Variants in MIPOL1 observed in about 807,000 individuals in gnomAD.
MIPOL1 encodes mirror-image polydactyly gene 1 protein.
MIPOL1 carries 57 observed loss-of-function variants against 60.9 expected under a neutral mutation model. That is an observed-to-expected ratio of 0.94 (90% CI 0.76 to 1.17). The LOEUF is 1.17. Among genes scored for constraint, MIPOL1 ranks in the 50% most tolerant of loss-of-function variants. The probability of loss-of-function intolerance (pLI) is 0.00; values close to 1 mark genes in which losing one functional copy is unlikely to be tolerated. For synonymous variants in MIPOL1, 179 were observed against 168.8 expected (o/e 1.06, Z -0.47); for missense variants, 551 against 511.6 (o/e 1.08, Z -0.74).
intron 9 of MIPOL1, among the ~76,000 whole-genome samples, chr14:37,311,369 A>G (rs187296768): frequency 3.9e-4 from 60 of 152,260 alleles, no homozygotes; most frequent in Admixed American, 4.6e-4. Flanking sequence ...TTCTCCCTCC[A>G]CTGACTTTCA....
chr14:37,515,166 G>A (rs1328901080), intron 12 of MIPOL1, among the ~76,000 whole-genome samples: 1 of 151,624 alleles, frequency 6.6e-6, no homozygotes, highest in East Asian at 1.9e-4. Flanking sequence ...CATTTAAGGA[G>A]AAAAAACTTT....
intron 11 of MIPOL1, among the ~76,000 whole-genome samples, chr14:37,472,287 A>T (rs1370016787): frequency 2.0e-5 from 3 of 152,166 alleles, no homozygotes; most frequent in Non-Finnish European, 2.9e-5. Flanking sequence ...TATTGGCCCT[A>T]TGTAAGAACA....
At chr14:37,529,409 T>A (rs1301257308) in intron 12 of MIPOL1, among the ~76,000 whole-genome samples, 1 of 152,188 alleles carries the variant, frequency 6.6e-6, no homozygotes, top group East Asian at 1.9e-4. Flanking sequence ...TGGTTTTGAG[T>A]TGTTTCCTAA....
chr14:37,231,172 C>T (rs1970571283), intron 1 of MIPOL1, among the ~76,000 whole-genome samples: 1 of 152,072 alleles, frequency 6.6e-6, no homozygotes, highest in Non-Finnish European at 1.5e-5. Context: ...ACTGCAGCCT[C>T]AAACTCCTGG....
At chr14:37,415,889 T>C (rs1156536194) in intron 10 of MIPOL1, among the ~76,000 whole-genome samples, 2 of 152,164 alleles carry the variant, frequency 1.3e-5, no homozygotes, top group African/African-American at 4.8e-5. Flanking sequence ...GTGTCTGGCA[T>C]GTCTTCCTAT....
At chr14:37,444,368 A>G (rs543078397) in intron 11 of MIPOL1, among the ~76,000 whole-genome samples, 1 of 152,194 alleles carries the variant, frequency 6.6e-6, no homozygotes, top group Non-Finnish European at 1.5e-5. Flanking sequence ...TGCTGAAAAC[A>G]ATTATGGAAG....
At chr14:37,392,352 C>T (rs537675488) in intron 10 of MIPOL1, among the ~76,000 whole-genome samples, 3 of 152,202 alleles carry the variant, frequency 2.0e-5, no homozygotes, top group East Asian at 1.9e-4. Flanking sequence ...ATTATTTTAA[C>T]GTTTTGCTTT....
At chr14:37,247,954 G>A (rs779909669) in intron 3 of MIPOL1, 47 bp downstream of exon 3, 1 of 1,599,290 alleles carries the variant, frequency 6.3e-7, no homozygotes, top group Non-Finnish European at 8.6e-7. Context: ...TGTTGTTCTA[G>A]TTCAAGGCAC....
At position 37,297,904 on chromosome 14, in the gene MIPOL1, C is replaced by A. The variant is rs573901480; in HGVS notation, c.624-10152C>A. ...CCCAAGGTAATTTATAGATTTAATG[C>A]CATCCCCATCAAGCTACCAATGACT... On this transcript the variant is annotated intron_variant, in intron 7 of 12. Coordinates refer to ENST00000684589, the MANE Select transcript of MIPOL1 (RefSeq NM_001388067.1). Among the ~76,000 whole-genome samples, 429 of 152,212 alleles carry A rather than the reference C, an allele frequency of 2.8e-3. 2 individuals carry two copies. The highest frequency in any genetic ancestry group is 3.4e-3 in the Middle Eastern group (1 of 294).
chr14:37,414,146 C>A (rs1466254652), intron 10 of MIPOL1, among the ~76,000 whole-genome samples: 1 of 152,014 alleles, frequency 6.6e-6, no homozygotes, highest in Non-Finnish European at 1.5e-5. Flanking sequence ...TCAAATCTAA[C>A]ATAATATAAT....
intron 12 of MIPOL1, among the ~76,000 whole-genome samples, chr14:37,518,231 TAAAG>T (rs1390014583): frequency 1.3e-5 from 2 of 152,108 alleles, no homozygotes; most frequent in African/African-American, 2.4e-5. Context: ...ATTGAGCAAA[TAAAG>T]AAATAAATGT....
chr14:37,340,576 G>A (rs1041436648), intron 9 of MIPOL1, among the ~76,000 whole-genome samples: 6 of 151,752 alleles, frequency 4.0e-5, no homozygotes, highest in Non-Finnish European at 8.8e-5. Context: ...TGGATGTGGT[G>A]GTGCGTGCCT....
At chr14:37,376,689 T>A (rs2092785283) in intron 10 of MIPOL1, among the ~76,000 whole-genome samples, 1 of 152,128 alleles carries the variant, frequency 6.6e-6, no homozygotes, top group African/African-American at 2.4e-5. Flanking sequence ...CTACTGAAAA[T>A]CATCTTTGTT....
intron 10 of MIPOL1, among the ~76,000 whole-genome samples, chr14:37,393,625 CT>C (rs1346636659): frequency 6.6e-6 from 1 of 151,606 alleles, no homozygotes; most frequent in African/African-American, 2.4e-5. Flanking sequence ...TTAAAGAGGA[CT>C]TTTTTTGTCC....
intron 12 of MIPOL1, chr14:37,501,701 C>G (rs944422505): frequency 6.6e-6 from 1 of 152,040 alleles, no homozygotes; most frequent in Non-Finnish European, 1.5e-5. Context: ...TGGGTGATTT[C>G]TGTATTTCCA....
At chr14:37,409,719 G>A (rs1019158232) in intron 10 of MIPOL1, among the ~76,000 whole-genome samples, 1 of 152,194 alleles carries the variant, frequency 6.6e-6, no homozygotes, top group African/African-American at 2.4e-5. Context: ...CTGGGAGGCA[G>A]AGGTTGCAGT....
chr14:37,407,904 C>T (rs1277741752), intron 10 of MIPOL1, among the ~76,000 whole-genome samples: 1 of 119,180 alleles, frequency 8.4e-6, no homozygotes, highest in African/African-American at 3.3e-5. Context: ...GGCTGGAGTA[C>T]AGTGGTGTAA....
intron 11 of MIPOL1, among the ~76,000 whole-genome samples, chr14:37,480,715 G>T (rs554685044): frequency 6.6e-6 from 1 of 152,132 alleles, no homozygotes; most frequent in East Asian, 1.9e-4. Flanking sequence ...AGAGCAATTA[G>T]GCAAGAGAAA....
At chr14:37,374,306 T>C (rs965694832) in intron 10 of MIPOL1, among the ~76,000 whole-genome samples, 1 of 152,178 alleles carries the variant, frequency 6.6e-6, no homozygotes, top group Non-Finnish European at 1.5e-5. Flanking sequence ...ATGGGTAGAT[T>C]GCAAAAATTT....
Sources: allele counts gnomAD v4.1 joint callset (sites outside exome capture counted in the v4.1 genomes callset), GRCh38; gene constraint gnomAD v4.1.1; transcripts MANE v1.5; gene names NCBI Gene and HGNC (gene_info 2026-07-23, HGNC 2026-07-21).